The following ZMAT4 variants were observed in gnomAD, a reference collection of about 807,000 sequenced individuals.
ZMAT4 encodes zinc finger matrin-type protein 4.
Under a neutral mutation model 28.7 loss-of-function variants are expected in ZMAT4, and 17 were observed. The observed-to-expected ratio is 0.59, with a 90% CI of 0.41 to 0.89. ZMAT4 has a LOEUF of 0.89. ZMAT4 is among the 40% of genes least tolerant of loss of function. The pLI, the probability that ZMAT4 is intolerant of heterozygous loss-of-function variation, is 0.00. For synonymous variants in ZMAT4, 117 were observed against 109.2 expected, an observed-to-expected ratio of 1.07 and a Z score of -0.44; for missense variants, 240 against 283.8, an observed-to-expected ratio of 0.85 and a Z score of 1.11.
chr8:40,550,620 A>G (rs1241633276), intron 6 of ZMAT4, among the ~76,000 whole-genome samples: 2 of 152,094 alleles, frequency 1.3e-5, no homozygotes. Context: ...TTCTCGTGAC[A>G]GTGAGTGAGT....
chr8:40,678,980 A>G (rs996785713), intron 4 of ZMAT4, among the ~76,000 whole-genome samples: 2 of 152,210 alleles, frequency 1.3e-5, no homozygotes, highest in African/African-American at 2.4e-5. Context: ...CCCAAATCCT[A>G]CAATTTCTGA....
At chr8:40,781,050 G>A (rs547982133) in intron 2 of ZMAT4, among the ~76,000 whole-genome samples, 20 of 152,190 alleles carry the variant, frequency 1.3e-4, no homozygotes, top group South Asian at 8.3e-4. Flanking sequence ...GCAACAAATT[G>A]TGGGGGTGAG....
At chr8:40,778,421 C>T (rs1230420399) in intron 2 of ZMAT4, among the ~76,000 whole-genome samples, 1 of 152,178 alleles carries the variant, frequency 6.6e-6, no homozygotes, top group African/African-American at 2.4e-5. Context: ...GCCCTCCCCA[C>T]CCTTGAGTCA....
At chr8:40,761,534 C>A (rs774442699) in intron 3 of ZMAT4, among the ~76,000 whole-genome samples, 2 of 152,168 alleles carry the variant, frequency 1.3e-5, no homozygotes, top group African/African-American at 2.4e-5. Context: ...AAAATCACTT[C>A]TCTGATCATC....
At chr8:40,728,922 T>C (rs902674843) in intron 3 of ZMAT4, among the ~76,000 whole-genome samples, 18 of 152,294 alleles carry the variant, frequency 1.2e-4, no homozygotes, top group Non-Finnish European at 2.4e-4. Context: ...CTGGACTTCA[T>C]ACGAATCGAA....
intron 1 of ZMAT4, among the ~76,000 whole-genome samples, chr8:40,885,660 CTG>C (rs1203889543): frequency 6.6e-6 from 1 of 152,206 alleles, no homozygotes; most frequent in East Asian, 1.9e-4. Context: ...AAATCATGGA[CTG>C]TGTTACTCCT....
At chr8:40,643,399 T>G (rs1807142926) in intron 5 of ZMAT4, among the ~76,000 whole-genome samples, 1 of 152,196 alleles carries the variant, frequency 6.6e-6, no homozygotes, top group African/African-American at 2.4e-5. Flanking sequence ...ACCATATTTC[T>G]TTAGAAATAT....
intron 3 of ZMAT4, among the ~76,000 whole-genome samples, chr8:40,716,186 G>T (rs547703689): frequency 8.5e-5 from 13 of 152,322 alleles, no homozygotes; most frequent in African/African-American, 3.1e-4. Flanking sequence ...AGAAAGTCTG[G>T]ATTCTCAAAA....
At chr8:40,553,624 C>G (rs1474932955) in intron 6 of ZMAT4, among the ~76,000 whole-genome samples, 1 of 152,074 alleles carries the variant, frequency 6.6e-6, no homozygotes, top group Non-Finnish European at 1.5e-5. Context: ...TTCATCCTTA[C>G]AATAATTCCA....
At chr8:40,803,628 G>A (rs1814950175) in intron 2 of ZMAT4, among the ~76,000 whole-genome samples, 1 of 152,154 alleles carries the variant, frequency 6.6e-6, no homozygotes, top group East Asian at 1.9e-4. Context: ...CATTGCTGGT[G>A]GAGATGTAAA....
chr8:40,599,798 G>A (rs1805235024), intron 5 of ZMAT4, among the ~76,000 whole-genome samples: 1 of 152,228 alleles, frequency 6.6e-6, no homozygotes, highest in African/African-American at 2.4e-5. Context: ...TGTAAGGAGA[G>A]TGGTGGGAGG....
chr8:40,723,852 G>T (rs1811209691), intron 3 of ZMAT4, among the ~76,000 whole-genome samples: 1 of 152,114 alleles, frequency 6.6e-6, no homozygotes, highest in South Asian at 2.1e-4. Flanking sequence ...TGTGTCCCCT[G>T]CCCCTGTGTG....
At chr8:40,790,328 T>G (rs745355648) in intron 2 of ZMAT4, among the ~76,000 whole-genome samples, 1 of 152,172 alleles carries the variant, frequency 6.6e-6, no homozygotes, top group Non-Finnish European at 1.5e-5. Flanking sequence ...AGCTTCTAGA[T>G]CTAATCAATA....
At chr8:40,703,880 G>T (rs993053079) in intron 3 of ZMAT4, among the ~76,000 whole-genome samples, 1 of 152,182 alleles carries the variant, frequency 6.6e-6, no homozygotes, top group African/African-American at 2.4e-5. Context: ...CTTCTTGTAG[G>T]TGAAACTCTT....
At chr8:40,601,285 G>A (rs1805294561) in intron 5 of ZMAT4, among the ~76,000 whole-genome samples, 1 of 151,198 alleles carries the variant, frequency 6.6e-6, no homozygotes, top group Non-Finnish European at 1.5e-5. Flanking sequence ...GCAGTCCAGG[G>A]TACTAATACC....
At chr8:40,647,115 C>T (rs542078693) in intron 5 of ZMAT4, among the ~76,000 whole-genome samples, 1 of 152,296 alleles carries the variant, frequency 6.6e-6, no homozygotes, top group East Asian at 1.9e-4. Flanking sequence ...CAGCTCCCAG[C>T]GTGAGCGACG....
At chr8:40,812,011 A>T (rs547867994) in intron 2 of ZMAT4, among the ~76,000 whole-genome samples, 5 of 152,038 alleles carry the variant, frequency 3.3e-5, no homozygotes, top group African/African-American at 9.7e-5. Context: ...CGCACCTGTA[A>T]TCCCAGCTAC....
At chr8:40,847,664 A>G (rs1816957301) in intron 1 of ZMAT4, among the ~76,000 whole-genome samples, 1 of 152,124 alleles carries the variant, frequency 6.6e-6, no homozygotes, top group African/African-American at 2.4e-5. Context: ...CAGATCACAG[A>G]CTGCTTTCCC....
intron 6 of ZMAT4, among the ~76,000 whole-genome samples, chr8:40,567,316 T>C (rs1803953694): frequency 6.6e-6 from 1 of 152,208 alleles, no homozygotes; most frequent in African/African-American, 2.4e-5. Context: ...TAAGGACTAT[T>C]GCAGGTAATA....
Sources: allele counts gnomAD v4.1 joint callset (sites outside exome capture counted in the v4.1 genomes callset), GRCh38; gene constraint gnomAD v4.1.1; transcripts MANE v1.5; gene names NCBI Gene and HGNC (gene_info 2026-07-23, HGNC 2026-07-21).